The following BMF variants were observed in gnomAD, a reference collection of about 807,000 sequenced individuals.
The protein encoded by BMF is bcl-2-modifying factor.
A neutral mutation model predicts 22.0 loss-of-function variants in BMF; 10 were observed. The ratio of observed to expected loss-of-function variants is 0.45; its 90% confidence interval spans 0.28 to 0.77. The LOEUF (loss-of-function observed/expected upper bound fraction) is 0.77. Ranked by LOEUF, BMF falls within the 30% of genes least tolerant of loss-of-function variation. BMF has a pLI of 0.13. For synonymous variants in BMF, 87 were observed against 88.1 expected (o/e 0.99, Z 0.07); for missense variants, 206 against 226.8 (o/e 0.91, Z 0.59).
rs1408932205 is a variant in BMF, at chr15:40,091,453, G to A, written c.*334C>T. The A allele has an allele frequency of 4.6e-6, 1 of 218,526 alleles. No homozygotes were observed. The highest frequency in any genetic ancestry group is 2.3e-5 in the African/African-American group (1 of 43,822). The allele number at this position is 218,526 out of a possible 1,614,324, so 13.5% of individuals were successfully genotyped here. Reference sequence around the variant, plus strand: ...GAAAAACCACAGTCCACTTCCCAGAGAACATCACTAACGGATCATCTTCGA... The same window carrying A: ...GAAAAACCACAGTCCACTTCCCAGAAAACATCACTAACGGATCATCTTCGA... On this transcript the variant is annotated 3_prime_UTR_variant, in exon 5 of 5. Transcript: ENST00000354670.
intron 3 of BMF, among the ~76,000 whole-genome samples, chr15:40,104,876 C>G (rs2036551747): frequency 2.0e-5 from 3 of 152,136 alleles, no homozygotes; most frequent in Non-Finnish European, 1.5e-5. Context: ...ACGCACAGAG[C>G]TGCCAAGTTG....
intron 4 of BMF, among the ~76,000 whole-genome samples, chr15:40,102,338 A>G (rs1365716463): frequency 6.7e-6 from 1 of 149,942 alleles, no homozygotes; most frequent in East Asian, 2.0e-4. Flanking sequence ...CTGAGGCAGG[A>G]GAATCGCTTG....
rs1207903807 is a variant in BMF at position 40,088,112 on chromosome 15, G to T, written c.*3675C>A. ...TGAACAAAATGCTACATTCTCACTG[G>T]GTCTCCTCGATAGCCCCTGTGGATC... On this transcript the variant is annotated 3_prime_UTR_variant, in exon 5 of 5. Transcript: ENST00000354670. 6.6e-6 allele frequency: 1 copy of T among 152,550 alleles called. No homozygotes were observed. The highest frequency in any genetic ancestry group is 1.5e-5 in the Non-Finnish European group (1 of 68,012). The allele number at this position is 152,550 out of a possible 1,614,324, so 9.4% of individuals were successfully genotyped here.
Position 40,088,621 on chromosome 15 carries a change from C to G in BMF, c.*3166G>C, listed in dbSNP as rs1001511164. ...CTGGGAGGCCCTGGCTGAACCATCCCGAATAACCCCCAGGCAGGGGCCACC... is the reference window on the plus strand; with the variant it reads ...CTGGGAGGCCCTGGCTGAACCATCCGGAATAACCCCCAGGCAGGGGCCACC... On this transcript the variant is annotated 3_prime_UTR_variant, in exon 5 of 5. Coordinates refer to ENST00000354670, the MANE Select transcript of BMF (RefSeq NM_001003940.2). 2.6e-5 allele frequency: 4 copies of G among 152,554 alleles called. No homozygotes were observed. Among genetic ancestry groups the G allele is most frequent in the African/African-American group, 7.2e-5 (3 of 41,598 alleles). The allele number at this position is 152,554 out of a possible 1,614,324, so 9.5% of individuals were successfully genotyped here.
chr15:40,097,024 A>C (rs1176720844), intron 4 of BMF, among the ~76,000 whole-genome samples: 1 of 152,208 alleles, frequency 6.6e-6, no homozygotes, highest in Non-Finnish European at 1.5e-5. Context: ...CATTCTCTAA[A>C]CCTACTCAGG....
At chr15:40,097,969 C>T (rs578132239) in intron 4 of BMF, among the ~76,000 whole-genome samples, 3 of 152,318 alleles carry the variant, frequency 2.0e-5, no homozygotes, top group South Asian at 2.1e-4. Context: ...ATTCTGAAAC[C>T]CAGAGGGCAA....
chr15:40,107,533 A>AGAGTGTGT (rs2036612346), intron 2 of BMF, among the ~76,000 whole-genome samples: 1 of 137,416 alleles, frequency 7.3e-6, no homozygotes, highest in Non-Finnish European at 1.6e-5. Flanking sequence ...GTGTTTCCCA[A>AGAGTGTGT]GTGTGTGTGT....
intron 4 of BMF, among the ~76,000 whole-genome samples, chr15:40,098,257 G>A (rs892478048): frequency 1.3e-5 from 2 of 152,228 alleles, no homozygotes; most frequent in Non-Finnish European, 2.9e-5. Flanking sequence ...ACTGGGGGTT[G>A]AGGGGTACGG....
intron 4 of BMF, among the ~76,000 whole-genome samples, chr15:40,095,133 C>A (rs1226409958): frequency 6.6e-6 from 1 of 152,236 alleles, no homozygotes; most frequent in Non-Finnish European, 1.5e-5. Context: ...GGCCCATGAG[C>A]CCTCTCTGGC....
chr15:40,101,240 G>A (rs531735220), intron 4 of BMF, among the ~76,000 whole-genome samples: 25 of 152,304 alleles, frequency 1.6e-4, no homozygotes, highest in African/African-American at 5.1e-4. Flanking sequence ...AACAAACGTC[G>A]GGGGTGATCA....
chr15:40,104,344 C>A lies in BMF; in HGVS notation c.293-4G>T. 1 of 1,613,846 alleles carries A rather than the reference C, an allele frequency of 6.2e-7. No individual in the cohort carries two copies. Reference sequence around the variant, plus strand: ...GGAAGCCGATAGCCAGCATTGCCTGCAAAGATAGAGGATCCACATCTCAGC... The same window carrying A: ...GGAAGCCGATAGCCAGCATTGCCTGAAAAGATAGAGGATCCACATCTCAGC... On this transcript the variant is annotated splice_polypyrimidine_tract_variant and splice_region_variant and intron_variant, in intron 3 of 4. Coordinates refer to ENST00000354670, the MANE Select transcript of BMF (RefSeq NM_001003940.2).
At chr15:40,092,279 C>T (rs1595471337) in intron 4 of BMF, among the ~76,000 whole-genome samples, 1 of 150,606 alleles carries the variant, frequency 6.6e-6, no homozygotes, top group African/African-American at 2.4e-5. Flanking sequence ...AGAAGAAGTG[C>T]CCCCCTCTCT....
intron 4 of BMF, among the ~76,000 whole-genome samples, chr15:40,095,439 A>G (rs2036336478): frequency 6.6e-6 from 1 of 152,196 alleles, no homozygotes; most frequent in African/African-American, 2.4e-5. Flanking sequence ...ATCTTCCACA[A>G]GAGGGTGTGG....
Position 40,091,896 on chromosome 15 carries a change from G to GA in BMF, c.454-9dup, listed in dbSNP as rs777988818. 10 of 1,554,138 alleles carry GA rather than the reference G, an allele frequency of 6.4e-6. No homozygotes were observed. The Admixed American group carries it at 7.7e-5, about 12-fold the overall frequency. On this transcript the variant is annotated splice_polypyrimidine_tract_variant and intron_variant, in intron 4 of 4. Transcript: ENST00000354670. The stretch of plus-strand genomic sequence containing the variant: ...ATTTTGGTTCTGCTGGTGCTGAAGG[G>GA]AGAAAAAAAAAAAAGACCAACATAA...
chr15:40,108,219 A>AACACACACACAC (rs140876953), intron 2 of BMF, 40 bp downstream of exon 2: 2,678 of 145,112 alleles, frequency 0.018, 37 homozygotes, highest in African/African-American at 0.019. Context: ...AGTGACTAGG[A>AACACACACACAC]ACACACACAC....
intron 4 of BMF, among the ~76,000 whole-genome samples, chr15:40,093,776 G>A (rs1480784489): frequency 2.0e-5 from 3 of 152,172 alleles, no homozygotes; most frequent in Admixed American, 6.5e-5. Flanking sequence ...GGTGGCAGTC[G>A]GGGGTGGGGA....
At chr15:40,093,026 A>G (rs1106508) in intron 4 of BMF, among the ~76,000 whole-genome samples, 28,785 of 152,206 alleles carry the variant, frequency 0.19, 3,487 homozygotes, top group East Asian at 0.28. Flanking sequence ...CCACAGCACC[A>G]GCCCCCACCA....
At chr15:40,095,489 T>C (rs1473523137) in intron 4 of BMF, among the ~76,000 whole-genome samples, 1 of 152,134 alleles carries the variant, frequency 6.6e-6, no homozygotes, top group African/African-American at 2.4e-5. Context: ...ATGAGTGTAC[T>C]TGGCCTCTGA....
At chr15:40,097,365 G>A (rs74009116) in intron 4 of BMF, among the ~76,000 whole-genome samples, 2 of 152,210 alleles carry the variant, frequency 1.3e-5, no homozygotes, top group Non-Finnish European at 2.9e-5. Context: ...ATACAAAGAT[G>A]ATTAAAATAT....
Sources: gnomAD v4.1 joint callset for allele counts (sites outside exome capture counted in the v4.1 genomes callset) on GRCh38, gnomAD v4.1.1 for gene constraint, MANE v1.5 for transcripts, NCBI Gene and HGNC (gene_info 2026-07-23, HGNC 2026-07-21) for gene names.